Variants in SYT9 observed in about 807,000 individuals in gnomAD.
SYT9 encodes synaptotagmin 9, also known as synaptotagmin-9.
Under a neutral mutation model 48.4 loss-of-function variants are expected in SYT9, and 22 were observed. The observed-to-expected ratio is 0.45, with a 90% CI of 0.32 to 0.65. SYT9 has a LOEUF of 0.65. SYT9 is among the 30% of genes least tolerant of loss of function. The pLI, the probability that SYT9 is intolerant of heterozygous loss-of-function variation, is 0.03. For synonymous variants in SYT9, 265 were observed against 245.0 expected, an observed-to-expected ratio of 1.08 and a Z score of -0.76; for missense variants, 577 against 622.0, an observed-to-expected ratio of 0.93 and a Z score of 0.77.
intron 3 of SYT9, 157 bp downstream of exon 3, chr11:7,314,098 G>T (rs1447702295): frequency 1.6e-5 from 13 of 828,254 alleles, no homozygotes; most frequent in African/African-American, 1.0e-4. Flanking sequence ...CAGAAACAGG[G>T]TTTTAACAAT....
intron 2 of SYT9, among the ~76,000 whole-genome samples, chr11:7,304,913 G>T (rs191479638): frequency 6.3e-4 from 96 of 152,196 alleles, no homozygotes; most frequent in South Asian, 4.4e-3. Flanking sequence ...CCCCCTATTT[G>T]GTTCTACTCT....
At chr11:7,291,070 T>C (rs542633754) in intron 1 of SYT9, among the ~76,000 whole-genome samples, 1 of 152,318 alleles carries the variant, frequency 6.6e-6, no homozygotes, top group South Asian at 2.1e-4. Flanking sequence ...ATGGGGTGAC[T>C]TAGCGGGAAG....
intron 3 of SYT9, among the ~76,000 whole-genome samples, chr11:7,371,554 T>C (rs1850362556): frequency 1.3e-5 from 2 of 152,188 alleles, no homozygotes; most frequent in African/African-American, 4.8e-5. Context: ...GCATACATCT[T>C]AAGTGCTCAG....
chr11:7,283,955 C>A (rs2133906940), intron 1 of SYT9, among the ~76,000 whole-genome samples: 1 of 152,256 alleles, frequency 6.6e-6, no homozygotes, highest in South Asian at 2.1e-4. Flanking sequence ...TAATCTCTTG[C>A]CACTTGAAGA....
At chr11:7,419,934 A>G (rs1015020897) in intron 5 of SYT9, among the ~76,000 whole-genome samples, 1 of 152,208 alleles carries the variant, frequency 6.6e-6, no homozygotes, top group Non-Finnish European at 1.5e-5. Context: ...CAAAGGAGCT[A>G]TGTATCTTTC....
At chr11:7,307,065 G>A (rs1183115308) in intron 2 of SYT9, among the ~76,000 whole-genome samples, 6 of 152,190 alleles carry the variant, frequency 3.9e-5, no homozygotes, top group South Asian at 2.1e-4. Context: ...TGAGGCTGGC[G>A]GAAGGCCATT....
chr11:7,308,637 C>A (rs1849075667), intron 2 of SYT9, among the ~76,000 whole-genome samples: 1 of 152,190 alleles, frequency 6.6e-6, no homozygotes, highest in African/African-American at 2.4e-5. Flanking sequence ...GCAAGCCCAG[C>A]TCAAGTATCA....
intron 3 of SYT9, among the ~76,000 whole-genome samples, chr11:7,408,300 G>A (rs1470065538): frequency 6.6e-6 from 1 of 152,004 alleles, no homozygotes; most frequent in Admixed American, 6.6e-5. Flanking sequence ...GGCTAATTTT[G>A]TATTTTTAGT....
chr11:7,453,285 T>A (rs1246228978), intron 6 of SYT9, among the ~76,000 whole-genome samples: 1 of 152,030 alleles, frequency 6.6e-6, no homozygotes, highest in Non-Finnish European at 1.5e-5. Context: ...GAGGAGTGGG[T>A]ACTGTCAGTA....
intron 1 of SYT9, among the ~76,000 whole-genome samples, chr11:7,269,030 C>T (rs184062903): frequency 6.6e-6 from 1 of 152,168 alleles, no homozygotes; most frequent in East Asian, 1.9e-4. Context: ...TTTTTGAGGC[C>T]TGGCTATATC....
intron 1 of SYT9, among the ~76,000 whole-genome samples, chr11:7,280,596 C>T (rs1848475686): frequency 6.6e-6 from 1 of 152,044 alleles, no homozygotes; most frequent in African/African-American, 2.4e-5. Flanking sequence ...TAAATAAAAC[C>T]TTGGTTTGTG....
chr11:7,416,294 C>A, intron 4 of SYT9, 132 bp downstream of exon 4: 1 of 1,045,644 alleles, frequency 9.6e-7, no homozygotes, highest in Non-Finnish European at 1.4e-6. Context: ...GTCCTAACAC[C>A]TGTGTGACCT....
intron 1 of SYT9, among the ~76,000 whole-genome samples, chr11:7,296,955 G>T (rs1451892086): frequency 6.6e-6 from 1 of 152,016 alleles, no homozygotes; most frequent in Non-Finnish European, 1.5e-5. Flanking sequence ...TTCTCCATGG[G>T]CTGATTTTCT....
intron 3 of SYT9, among the ~76,000 whole-genome samples, chr11:7,351,930 C>G (rs1310035358): frequency 6.6e-6 from 1 of 151,850 alleles, no homozygotes; most frequent in Non-Finnish European, 1.5e-5. Flanking sequence ...AATGTGTTTT[C>G]CAGGAAAAAA....
intron 2 of SYT9, among the ~76,000 whole-genome samples, chr11:7,305,562 G>A (rs1849015572): frequency 6.6e-6 from 1 of 152,230 alleles, no homozygotes; most frequent in East Asian, 1.9e-4. Context: ...TTTCCTTTAT[G>A]CCTCAAAGCA....
intron 3 of SYT9, among the ~76,000 whole-genome samples, chr11:7,327,839 G>T (rs1849457000): frequency 1.5e-5 from 1 of 65,020 alleles, no homozygotes; most frequent in African/African-American, 6.0e-5. Context: ...ACCAAACACC[G>T]CATATTCTCA....
chr11:7,249,709 C>A (rs1350073818), upstream of SYT9, among the ~76,000 whole-genome samples: 1 of 152,084 alleles, frequency 6.6e-6, no homozygotes, highest in Non-Finnish European at 1.5e-5. Flanking sequence ...AAATATATTG[C>A]TTTATGTAAT....
rs1386384340 is a variant in SYT9 at position 7,468,817 on chromosome 11, T to A, written c.*2017T>A. The stretch of plus-strand genomic sequence containing the variant: ...ACTAATGAGGATGCAACTGGCTTAT[T>A]GGTATGAAATAGAAGGTGGCTTTGT... On this transcript the variant is annotated 3_prime_UTR_variant, in exon 7 of 7. Transcript: ENST00000318881. The A allele has an allele frequency of 6.6e-6, 1 of 152,460 alleles. No individual in the cohort carries two copies. Among genetic ancestry groups the A allele is most frequent in the African/African-American group, 2.4e-5 (1 of 41,446 alleles). The allele number at this position is 152,460 out of a possible 1,614,324, so 9.4% of individuals were successfully genotyped here. A position where few individuals can be genotyped will look rare whatever the true frequency, so the allele number is the denominator to read the frequency against.
intron 1 of SYT9, among the ~76,000 whole-genome samples, chr11:7,289,205 T>G (rs368732243): frequency 6.6e-6 from 1 of 152,240 alleles, no homozygotes; most frequent in East Asian, 1.9e-4. Context: ...GCTCCTGTTC[T>G]TCCATATGTA....
Sources: allele counts gnomAD v4.1 joint callset (sites outside exome capture counted in the v4.1 genomes callset), GRCh38; gene constraint gnomAD v4.1.1; transcripts MANE v1.5; gene names NCBI Gene and HGNC (gene_info 2026-07-23, HGNC 2026-07-21).